Variants in CNTN3 observed in about 807,000 individuals in gnomAD.
CNTN3 encodes the protein contactin-3.
Under a neutral mutation model 119.1 loss-of-function variants are expected in CNTN3, and 60 were observed. That is an observed-to-expected ratio of 0.50 (90% CI 0.41 to 0.62). The LOEUF (loss-of-function observed/expected upper bound fraction) is 0.62. Among genes scored for constraint, CNTN3 ranks in the 20% least tolerant of loss-of-function variants. The pLI is 0.00. For missense variants in CNTN3, 1,101 were observed against 1,242.4 expected (o/e 0.89, Z 1.71); for synonymous variants, 450 against 438.7 (o/e 1.03, Z -0.32).
At position 74,584,871 on chromosome 3, in the gene CNTN3, G is replaced by A. The variant is rs189238493; in HGVS notation, c.-81+29520C>T. ...GGAGAAGCAGTACAGCCAGGATTTC[G>A]ATCTTATCATTAACAACCCTGGCTC... On this transcript the variant is annotated intron_variant, in intron 1 of 22. Transcript: ENST00000263665. 1.7e-3 allele frequency among the ~76,000 whole-genome samples: 261 copies of A among 152,164 alleles called. 2 individuals carry two copies. The highest frequency in any genetic ancestry group is 3.4e-3 in the Middle Eastern group (1 of 294).
chr3:74,310,695 T>C (rs1702664294), intron 13 of CNTN3, among the ~76,000 whole-genome samples: 1 of 152,208 alleles, frequency 6.6e-6, no homozygotes, highest in South Asian at 2.1e-4. Context: ...TATTGTTTTT[T>C]ATTGGTCAAG....
At chr3:74,501,482 AT>A (rs1489536283) in intron 2 of CNTN3, among the ~76,000 whole-genome samples, 8 of 152,154 alleles carry the variant, frequency 5.3e-5, no homozygotes, top group Admixed American at 1.3e-4. Context: ...CCTCTAGCTG[AT>A]TTTAGTATGG....
chr3:74,520,997 TA>T, intron 2 of CNTN3, 60 bp downstream of exon 2: 1 of 891,656 alleles, frequency 1.1e-6, no homozygotes, highest in Non-Finnish European at 1.7e-6. Flanking sequence ...AAAAATTATG[TA>T]AGCATATGAC....
chr3:74,365,562 T>G lies in CNTN3; in HGVS notation c.1083+4A>C. 1 of 1,613,234 alleles carries G rather than the reference T, an allele frequency of 6.2e-7. No individual in the cohort carries two copies. The highest frequency in any genetic ancestry group is 8.5e-7 in the Non-Finnish European group (1 of 1,179,400). On this transcript the variant is annotated splice_donor_region_variant and intron_variant, in intron 9 of 22. Transcript: ENST00000263665. The stretch of plus-strand genomic sequence containing the variant: ...AAACCCATTTTAGGTCCATGTTACC[T>G]TACCTCTAGCACCAGGGCTGCTCCA...
intron 11 of CNTN3, among the ~76,000 whole-genome samples, chr3:74,341,236 T>C (rs1464510162): frequency 6.6e-6 from 1 of 152,138 alleles, no homozygotes; most frequent in Admixed American, 6.5e-5. Flanking sequence ...ATTCAGTAAA[T>C]GAATGGAGTA....
intron 2 of CNTN3, among the ~76,000 whole-genome samples, chr3:74,510,308 T>C (rs1703344004): frequency 2.0e-5 from 3 of 152,116 alleles, no homozygotes; most frequent in Non-Finnish European, 2.9e-5. Flanking sequence ...TGAATGTGTC[T>C]ATGACTCTCA....
At chr3:74,323,907 TGTAGG>T (rs1703061959) in intron 13 of CNTN3, among the ~76,000 whole-genome samples, 1 of 152,074 alleles carries the variant, frequency 6.6e-6, no homozygotes, top group Admixed American at 6.6e-5. Context: ...AAGTCACAGC[TGTAGG>T]TAAATATCTG....
intron 20 of CNTN3, among the ~76,000 whole-genome samples, chr3:74,273,984 G>A (rs746626007): frequency 2.0e-5 from 3 of 152,106 alleles, no homozygotes; most frequent in Non-Finnish European, 2.9e-5. Flanking sequence ...CAGTGGGAGT[G>A]AGACTGGCCC....
At chr3:74,522,425 T>G (rs1228505495) in intron 1 of CNTN3, among the ~76,000 whole-genome samples, 2 of 151,906 alleles carry the variant, frequency 1.3e-5, no homozygotes, top group Non-Finnish European at 2.9e-5. Context: ...TAACCTTCAC[T>G]CAATATCCCC....
intron 2 of CNTN3, among the ~76,000 whole-genome samples, chr3:74,510,022 TATATATACATATATATAAGTTTTC>T (rs1197754798): frequency 6.2e-5 from 1 of 16,074 alleles, no homozygotes; most frequent in Non-Finnish European, 2.2e-4. Flanking sequence ...TTTATATACA[TATATATACATATATATAAGTTTTC>T]ATATATATAT....
chr3:74,287,668 T>C (rs1427234902), intron 19 of CNTN3, among the ~76,000 whole-genome samples: 1 of 152,190 alleles, frequency 6.6e-6, no homozygotes, highest in Non-Finnish European at 1.5e-5. Flanking sequence ...GAGAGCTGAC[T>C]GGTATGAACT....
intron 5 of CNTN3, among the ~76,000 whole-genome samples, chr3:74,377,240 T>A (rs1340104370): frequency 6.6e-6 from 1 of 152,160 alleles, no homozygotes; most frequent in Admixed American, 6.5e-5. Context: ...ATAACTTTTA[T>A]GTCTTAGAGA....
At chr3:74,612,697 T>C (rs763618145) in intron 1 of CNTN3, among the ~76,000 whole-genome samples, 1 of 152,224 alleles carries the variant, frequency 6.6e-6, no homozygotes, top group Non-Finnish European at 1.5e-5. Flanking sequence ...TATATTTCCC[T>C]GGTGGATACT....
intron 1 of CNTN3, among the ~76,000 whole-genome samples, chr3:74,594,633 T>G (rs1225446847): frequency 6.6e-6 from 1 of 152,176 alleles, no homozygotes; most frequent in African/African-American, 2.4e-5. Flanking sequence ...AACTCATCAT[T>G]TTTTATGGCT....
chr3:74,367,271 C>G (rs1174897820), intron 8 of CNTN3, among the ~76,000 whole-genome samples: 1 of 151,954 alleles, frequency 6.6e-6, no homozygotes, highest in Non-Finnish European at 1.5e-5. Context: ...ATCATATTAC[C>G]TACACAATGG....
chr3:74,338,418 ACAT>A (rs1703450060), intron 11 of CNTN3, among the ~76,000 whole-genome samples: 1 of 152,054 alleles, frequency 6.6e-6, no homozygotes, highest in African/African-American at 2.4e-5. Flanking sequence ...ATATGTGTAT[ACAT>A]ATATGTGTAT....
chr3:74,310,365 AT>A (rs965950061), intron 13 of CNTN3, among the ~76,000 whole-genome samples: 9 of 151,350 alleles, frequency 5.9e-5, no homozygotes, highest in East Asian at 5.8e-4. Context: ...GAAAATTATC[AT>A]TTTTTTTTCT....
At chr3:74,590,625 T>C (rs1704685660) in intron 1 of CNTN3, among the ~76,000 whole-genome samples, 1 of 152,050 alleles carries the variant, frequency 6.6e-6, no homozygotes. Flanking sequence ...GCCATGGGGC[T>C]AGATGTCCTG....
intron 4 of CNTN3, among the ~76,000 whole-genome samples, chr3:74,459,360 T>C (rs1009330082): frequency 3.9e-5 from 6 of 151,948 alleles, no homozygotes; most frequent in African/African-American, 1.4e-4. Context: ...AAGATCCTTA[T>C]CAAGGCCACC....
Sources: gnomAD v4.1 joint callset for allele counts (sites outside exome capture counted in the v4.1 genomes callset) on GRCh38, gnomAD v4.1.1 for gene constraint, MANE v1.5 for transcripts, NCBI Gene and HGNC (gene_info 2026-07-23, HGNC 2026-07-21) for gene names.